Variants in RYR2 observed in about 807,000 individuals in gnomAD.
The protein encoded by RYR2 is cardiac muscle ryanodine receptor-calcium release channel.
A neutral mutation model predicts 601.1 loss-of-function variants in RYR2; 227 were observed. That is an observed-to-expected ratio of 0.38 (90% confidence interval 0.34 to 0.42). The LOEUF is 0.42. Among genes scored for constraint, RYR2 ranks in the 10% least tolerant of loss-of-function variants. The probability of loss-of-function intolerance (pLI) is 1.00; values close to 1 mark genes in which losing one functional copy is unlikely to be tolerated. For synonymous variants in RYR2, 2,223 were observed against 2,175.1 expected, an observed-to-expected ratio of 1.02 and a Z score of -0.61; for missense variants, 4,646 against 6,156.5, an observed-to-expected ratio of 0.75 and a Z score of 8.21.
Position 237,714,990 on chromosome 1 carries a change from T to TTAAA in RYR2, c.10324-2208_10324-2207insTAAA, listed in dbSNP as rs1558274627. ...CCTGGTGACAGAGCGAGACTCCATC[T>TTAAA]CAAAAAAAAAAAAAAAAAAAAAAAA... On this transcript the variant is annotated intron_variant, in intron 71 of 104. Coordinates refer to ENST00000366574, the MANE Select transcript of RYR2 (RefSeq NM_001035.3). Among the ~76,000 whole-genome samples, 8 of 89,400 alleles carry TTAAA rather than the reference T, an allele frequency of 8.9e-5. 3 individuals carry two copies. Among genetic ancestry groups the TTAAA allele is most frequent in the South Asian group, 3.6e-4 (1 of 2,766 alleles). 58.6% of individuals were successfully genotyped at this position (89,400 alleles called of 152,430 possible).
chr1:237,479,030 C>T (rs970053888), intron 17 of RYR2, among the ~76,000 whole-genome samples: 5 of 152,298 alleles, frequency 3.3e-5, no homozygotes, highest in African/African-American at 9.6e-5. Flanking sequence ...CGTAACCCAC[C>T]TAGCCTCCCT....
At chr1:237,631,121 G>A (rs1680199438) in intron 41 of RYR2, among the ~76,000 whole-genome samples, 1 of 152,104 alleles carries the variant, frequency 6.6e-6, no homozygotes, top group Non-Finnish European at 1.5e-5. Context: ...AAGAAGGTTG[G>A]ACACATGGTT....
chr1:237,099,547 C>T lies in RYR2; in HGVS notation c.48+56978C>T, dbSNP rs77972365. Among the ~76,000 whole-genome samples, 1,255 of 152,232 alleles carry T rather than the reference C, an allele frequency of 8.2e-3. 15 individuals carry two copies. Among genetic ancestry groups the T allele is most frequent in the African/African-American group, 0.03 (1,228 of 41,540 alleles). On this transcript the variant is annotated intron_variant, in intron 1 of 104. Coordinates refer to ENST00000366574, the MANE Select transcript of RYR2 (RefSeq NM_001035.3). ...GCCACTGTACCCAGCCTCTCAATAG[C>T]CTCTTTGACAGCTCTTTGCCATTGG...
chr1:237,715,767 T>C (rs1689218138), intron 71 of RYR2, among the ~76,000 whole-genome samples: 1 of 152,174 alleles, frequency 6.6e-6, no homozygotes, highest in Admixed American at 6.5e-5. Flanking sequence ...TTGCTGAAAC[T>C]AAATTACCGG....
At chr1:237,317,538 T>C (rs367994755) in intron 2 of RYR2, among the ~76,000 whole-genome samples, 1 of 152,196 alleles carries the variant, frequency 6.6e-6, no homozygotes, top group African/African-American at 2.4e-5. Flanking sequence ...ATCTATATGT[T>C]GCATCCCTGC....
chr1:237,508,273 T>C (rs1159095235), intron 23 of RYR2, among the ~76,000 whole-genome samples: 2 of 152,062 alleles, frequency 1.3e-5, no homozygotes, highest in Non-Finnish European at 2.9e-5. Context: ...TCATCAATTC[T>C]TAAAATTGAA....
intron 16 of RYR2, among the ~76,000 whole-genome samples, chr1:237,458,473 T>A (rs2150238559): frequency 6.6e-6 from 1 of 152,248 alleles, no homozygotes. Flanking sequence ...TTCTCCCAAC[T>A]CTTAAGTATA....
intron 25 of RYR2, among the ~76,000 whole-genome samples, chr1:237,544,760 T>G (rs1669627346): frequency 6.6e-6 from 1 of 152,198 alleles, no homozygotes; most frequent in African/African-American, 2.4e-5. Flanking sequence ...ATTTGATTCT[T>G]AGCTCCTTTG....
Position 237,593,502 on chromosome 1 carries a change from T to C in RYR2, c.4302T>C (p.Pro1434=). The C allele has an allele frequency of 6.2e-7, 1 of 1,613,532 alleles. No individual in the cohort carries two copies. The highest frequency in any genetic ancestry group is 1.1e-5 in the South Asian group (1 of 90,954). The change falls in exon 33 of 105, where the codon CCT becomes CCC. Residue 1434 remains proline (P), a synonymous_variant. Coordinates refer to ENST00000366574, the MANE Select transcript of RYR2 (RefSeq NM_001035.3). The stretch of plus-strand genomic sequence containing the variant: ...ACTATTACTCAGTGAGAATCTTTCC[T>C]GGACAAGAACCTGCTAATGTCTGGG... ...STYYYSVRIF[P]GQEPANVWVG...
chr1:237,540,104 T>G (rs1669093282), intron 25 of RYR2, among the ~76,000 whole-genome samples: 1 of 152,150 alleles, frequency 6.6e-6, no homozygotes, highest in Non-Finnish European at 1.5e-5. Flanking sequence ...ATTCTTAATT[T>G]CACGCATCTT....
intron 62 of RYR2, among the ~76,000 whole-genome samples, chr1:237,682,458 T>C (rs1685973171): frequency 6.6e-6 from 1 of 152,114 alleles, no homozygotes; most frequent in Admixed American, 6.5e-5. Context: ...TGTATGATAG[T>C]GGCCCCATAC....
At chr1:237,445,886 G>A (rs1489916633) in intron 14 of RYR2, among the ~76,000 whole-genome samples, 2 of 151,850 alleles carry the variant, frequency 1.3e-5, no homozygotes, top group Non-Finnish European at 2.9e-5. Context: ...GTGCAGTCTC[G>A]GCTCACTGCA....
At chr1:237,677,731 T>G (rs12059169) in intron 60 of RYR2, among the ~76,000 whole-genome samples, 1 of 152,162 alleles carries the variant, frequency 6.6e-6, no homozygotes, top group Non-Finnish European at 1.5e-5. Flanking sequence ...CTACTGAAAA[T>G]GTGGGACTTT....
intron 3 of RYR2, among the ~76,000 whole-genome samples, chr1:237,340,048 A>C (rs1697627243): frequency 6.6e-6 from 1 of 152,168 alleles, no homozygotes; most frequent in African/African-American, 2.4e-5. Flanking sequence ...TGTGAAAATG[A>C]AGGTCAGATA....
At chr1:237,195,297 A>C (rs1002442417) in intron 1 of RYR2, among the ~76,000 whole-genome samples, 4 of 152,234 alleles carry the variant, frequency 2.6e-5, no homozygotes, top group South Asian at 2.1e-4. Flanking sequence ...CGTGTTGCCC[A>C]AACTGGAGTG....
At chr1:237,795,246 T>C in intron 95 of RYR2, 43 bp from the exon 96 acceptor site, 1 of 933,988 alleles carries the variant, frequency 1.1e-6, no homozygotes, top group Non-Finnish European at 1.6e-6. Flanking sequence ...TTATTTGTCA[T>C]TAAAAATAAT....
intron 84 of RYR2, among the ~76,000 whole-genome samples, chr1:237,770,072 G>A (rs1456283507): frequency 1.3e-5 from 2 of 152,064 alleles, no homozygotes; most frequent in African/African-American, 4.8e-5. Context: ...CTGTAACTAG[G>A]GGACGCCTTT....
chr1:237,122,681 AAAACAAACAAACAAAC>A (rs147076319), intron 1 of RYR2, among the ~76,000 whole-genome samples: 1 of 150,600 alleles, frequency 6.6e-6, no homozygotes, highest in Non-Finnish European at 1.5e-5. Flanking sequence ...GACCGTCTCA[AAAACAAACAAACAAAC>A]AAACAAACAA....
At chr1:237,465,221 A>G (rs1659939823) in intron 16 of RYR2, among the ~76,000 whole-genome samples, 1 of 148,426 alleles carries the variant, frequency 6.7e-6, no homozygotes, top group African/African-American at 2.5e-5. Context: ...TCTTTTACTC[A>G]TTAACAGATT....
Sources: gnomAD v4.1 joint callset for allele counts (sites outside exome capture counted in the v4.1 genomes callset) on GRCh38, gnomAD v4.1.1 for gene constraint, MANE v1.5 for transcripts, NCBI Gene and HGNC (gene_info 2026-07-23, HGNC 2026-07-21) for gene names.